REDIC1: variants seen among roughly 807,000 people sequenced by gnomAD.
REDIC1 encodes the protein HEI10 Interacting Protein 1.
At chr12:39,876,578 A>G in the REDIC1 span, among the ~76,000 whole-genome samples, 1 of 152,178 alleles carries the variant, frequency 6.6e-6, no homozygotes, top group African/African-American at 2.4e-5. Context: ...AAAATTAAAG[A>G]CTGATAATAG....
At chr12:39,882,539 T>C in the REDIC1 span, among the ~76,000 whole-genome samples, 1 of 152,228 alleles carries the variant, frequency 6.6e-6, no homozygotes, top group Non-Finnish European at 1.5e-5. Context: ...TTTCCGAAGA[T>C]GCACACTTTC....
chr12:39,694,398 G>A, the REDIC1 span, among the ~76,000 whole-genome samples: 1 of 149,186 alleles, frequency 6.7e-6, no homozygotes, highest in Non-Finnish European at 1.5e-5. Flanking sequence ...CCCTGGGAGT[G>A]GCGACATGGT....
chr12:39,773,379 C>T, the REDIC1 span, among the ~76,000 whole-genome samples: 1 of 152,186 alleles, frequency 6.6e-6, no homozygotes, highest in African/African-American at 2.4e-5. Context: ...AATCGGTTCC[C>T]TGTTCCAATC....
the REDIC1 span, among the ~76,000 whole-genome samples, chr12:39,658,245 T>C: frequency 6.6e-6 from 1 of 152,170 alleles, no homozygotes; most frequent in Admixed American, 6.5e-5. Flanking sequence ...CACGCCTGGC[T>C]AAGTTTTAAA....
the REDIC1 span, among the ~76,000 whole-genome samples, chr12:39,821,303 G>C: frequency 1.3e-5 from 2 of 151,972 alleles, no homozygotes; most frequent in African/African-American, 4.8e-5. Context: ...CCAGCTACTC[G>C]GGAGGCTGAG....
At chr12:39,768,914 A>G in the REDIC1 span, among the ~76,000 whole-genome samples, 8 of 152,198 alleles carry the variant, frequency 5.3e-5, no homozygotes, top group African/African-American at 1.7e-4. Flanking sequence ...GTGAAGTGCA[A>G]TGATGGCAAA....
the REDIC1 span, among the ~76,000 whole-genome samples, chr12:39,904,966 A>C: frequency 6.6e-6 from 1 of 152,100 alleles, no homozygotes; most frequent in African/African-American, 2.4e-5. Flanking sequence ...ACGTGCAGGC[A>C]AACTATCCCA....
the REDIC1 span, among the ~76,000 whole-genome samples, chr12:39,713,875 AT>A: frequency 6.7e-6 from 1 of 148,542 alleles, no homozygotes; most frequent in Non-Finnish European, 1.5e-5. Flanking sequence ...ATATATGTAT[AT>A]TTACGTATAT....
At chr12:39,645,532 A>G in the REDIC1 span, among the ~76,000 whole-genome samples, 2 of 151,996 alleles carry the variant, frequency 1.3e-5, no homozygotes, top group African/African-American at 4.8e-5. Context: ...ACATGGCCTT[A>G]AGAAACTAAT....
the REDIC1 span, among the ~76,000 whole-genome samples, chr12:39,763,491 A>G: frequency 6.6e-6 from 1 of 152,200 alleles, no homozygotes; most frequent in East Asian, 1.9e-4. Flanking sequence ...CTTGGCAGGA[A>G]CTGGGAATGT....
the REDIC1 span, among the ~76,000 whole-genome samples, chr12:39,834,681 A>G: frequency 6.6e-6 from 1 of 152,016 alleles, no homozygotes; most frequent in East Asian, 1.9e-4. Flanking sequence ...TGGGAACTGT[A>G]TTTGTGCTAA....
chr12:39,674,486 A>G, the REDIC1 span, among the ~76,000 whole-genome samples: 1 of 152,214 alleles, frequency 6.6e-6, no homozygotes, highest in Non-Finnish European at 1.5e-5. Flanking sequence ...GAAACATACC[A>G]GGAAAACCAA....
the REDIC1 span, among the ~76,000 whole-genome samples, chr12:39,750,494 A>G: frequency 6.6e-6 from 1 of 152,220 alleles, no homozygotes; most frequent in African/African-American, 2.4e-5. Context: ...GCCCAAGGTA[A>G]TTTATAGATT....
chr12:39,712,370 GTATATATACCTA>G, the REDIC1 span, among the ~76,000 whole-genome samples: 17 of 120,948 alleles, frequency 1.4e-4, no homozygotes, highest in Admixed American at 4.3e-4. Context: ...ACATACATAT[GTATATATACCTA>G]TATATATACC....
the REDIC1 span, among the ~76,000 whole-genome samples, chr12:39,732,571 C>T: frequency 6.6e-6 from 1 of 152,002 alleles, no homozygotes; most frequent in Non-Finnish European, 1.5e-5. Flanking sequence ...TACAAAAATA[C>T]CCCCTCCTCC....
At chr12:39,794,141 A>C in the REDIC1 span, among the ~76,000 whole-genome samples, 7 of 151,386 alleles carry the variant, frequency 4.6e-5, no homozygotes, top group Non-Finnish European at 1.0e-4. Context: ...AAAAAAAAAA[A>C]AAAAAAAACC....
chr12:39,768,061 C>T, the REDIC1 span, among the ~76,000 whole-genome samples: 1 of 152,080 alleles, frequency 6.6e-6, no homozygotes, highest in African/African-American at 2.4e-5. Context: ...TTCTGGATAA[C>T]TTGACGCAGC....
the REDIC1 span, among the ~76,000 whole-genome samples, chr12:39,714,237 A>T: frequency 8.3e-5 from 11 of 132,324 alleles, 1 homozygote; most frequent in Non-Finnish European, 1.7e-4. Context: ...GCATATATGT[A>T]TATATGTATA....
chr12:39,863,894 T>A, the REDIC1 span, among the ~76,000 whole-genome samples: 6 of 152,218 alleles, frequency 3.9e-5, no homozygotes, highest in Non-Finnish European at 8.8e-5. Flanking sequence ...TGTTTTAATT[T>A]CATATAGGGT....
Sources: gnomAD v4.1 joint callset for allele counts (sites outside exome capture counted in the v4.1 genomes callset) on GRCh38, gnomAD v4.1.1 for gene constraint, MANE v1.5 for transcripts, NCBI Gene and HGNC (gene_info 2026-07-23, HGNC 2026-07-21) for gene names.